The following KAZN variants were observed in gnomAD, a reference collection of about 807,000 sequenced individuals.
KAZN encodes the protein kazrin.
KAZN carries 40 observed loss-of-function variants against 87.4 expected under a neutral mutation model. The observed-to-expected ratio is 0.46, with a 90% CI of 0.36 to 0.60. The LOEUF is 0.60. Ranked by LOEUF, KAZN falls within the 20% of genes least tolerant of loss-of-function variation. KAZN has a pLI of 0.00. For missense variants in KAZN, 898 were observed against 1,073.9 expected, an observed-to-expected ratio of 0.84 and a Z score of 2.29; for synonymous variants, 466 against 458.3, an observed-to-expected ratio of 1.02 and a Z score of -0.22.
rs1257373145 is a variant in KAZN at position 15,029,789 on chromosome 1, A to T, written c.419-4960A>T. Among the ~76,000 whole-genome samples, 4 of 152,218 alleles carry T rather than the reference A, an allele frequency of 2.6e-5. No individual in the cohort carries two copies. In the East Asian group the frequency reaches 7.7e-4, roughly 29 times the overall value. ...GGTCATTCATTTCCAACCAGAAAGC[A>T]GAGGCATGATTTCCCTGCCAACCAG... is the stretch of plus-strand genomic sequence containing the variant. On this transcript the variant is annotated intron_variant, in intron 2 of 14. Coordinates refer to ENST00000376030, the MANE Select transcript of KAZN (RefSeq NM_201628.3).
intron 2 of KAZN, among the ~76,000 whole-genome samples, chr1:15,002,954 C>T (rs190405577): frequency 9.2e-5 from 14 of 151,358 alleles, no homozygotes; most frequent in African/African-American, 2.2e-4. Context: ...CCAGCCTGGG[C>T]GACACAGCAA....
intron 2 of KAZN, among the ~76,000 whole-genome samples, chr1:14,481,157 C>G (rs1158983672): frequency 6.6e-6 from 1 of 151,996 alleles, no homozygotes; most frequent in African/African-American, 2.4e-5. Flanking sequence ...GAGCCACCAT[C>G]TAAGTTCAAA....
At chr1:14,071,664 C>T (rs374131742) in intron 1 of KAZN, among the ~76,000 whole-genome samples, 1 of 152,140 alleles carries the variant, frequency 6.6e-6, no homozygotes, top group African/African-American at 2.4e-5. Context: ...ACAGGTGTGT[C>T]GCTAGCGGGC....
upstream of KAZN, among the ~76,000 whole-genome samples, chr1:14,597,022 T>C (rs1422123045): frequency 6.6e-6 from 1 of 152,256 alleles, no homozygotes; most frequent in African/African-American, 2.4e-5. Flanking sequence ...TTTTCCACAA[T>C]GGCTGCACCA....
intron 2 of KAZN, among the ~76,000 whole-genome samples, chr1:14,287,895 T>A (rs957045115): frequency 6.6e-6 from 1 of 152,218 alleles, no homozygotes; most frequent in Admixed American, 6.5e-5. Context: ...TGAAGGGCTG[T>A]TGAATTTTGT....
At chr1:14,036,783 T>C (rs902768487) in intron 1 of KAZN, among the ~76,000 whole-genome samples, 3 of 151,936 alleles carry the variant, frequency 2.0e-5, no homozygotes, top group Non-Finnish European at 4.4e-5. Flanking sequence ...TTATTATTAT[T>C]ATCATTATTA....
At chr1:13,894,271 C>T (rs1638949802) in intron 1 of KAZN, among the ~76,000 whole-genome samples, 1 of 152,174 alleles carries the variant, frequency 6.6e-6, no homozygotes, top group Non-Finnish European at 1.5e-5. Context: ...TGTGGGGATT[C>T]CTCATTAGTC....
At chr1:14,516,841 A>T (rs1671324601) in intron 2 of KAZN, among the ~76,000 whole-genome samples, 1 of 151,718 alleles carries the variant, frequency 6.6e-6, no homozygotes, top group African/African-American at 2.4e-5. Context: ...TATCACCTTC[A>T]ATTTCTGCAC....
chr1:14,092,464 A>G (rs1644020919), intron 1 of KAZN, among the ~76,000 whole-genome samples: 1 of 150,394 alleles, frequency 6.6e-6, no homozygotes, highest in Non-Finnish European at 1.5e-5. Flanking sequence ...AATAAATTAT[A>G]TATATATACA....
At chr1:14,834,062 G>A (rs756356404) in intron 1 of KAZN, among the ~76,000 whole-genome samples, 3 of 151,792 alleles carry the variant, frequency 2.0e-5, no homozygotes, top group South Asian at 4.2e-4. Context: ...TTGAGATGGA[G>A]TCTCACTCTG....
At chr1:14,997,438 C>T (rs937222723) in intron 2 of KAZN, among the ~76,000 whole-genome samples, 5 of 151,922 alleles carry the variant, frequency 3.3e-5, no homozygotes, top group Non-Finnish European at 5.9e-5. Flanking sequence ...CAGGGTTTCT[C>T]CCTGTTGGTC....
chr1:14,070,853 C>A (rs777742716), intron 1 of KAZN, among the ~76,000 whole-genome samples: 7 of 152,116 alleles, frequency 4.6e-5, no homozygotes, highest in Non-Finnish European at 1.0e-4. Context: ...AGCCACAGAC[C>A]ATGCCTTATC....
chr1:15,016,857 GCCACCGGC>G (rs1240318475), intron 2 of KAZN, among the ~76,000 whole-genome samples: 1 of 152,120 alleles, frequency 6.6e-6, no homozygotes, highest in Non-Finnish European at 1.5e-5. Flanking sequence ...CACAGACCAC[GCCACCGGC>G]GGCCCAGGAT....
intron 2 of KAZN, among the ~76,000 whole-genome samples, chr1:14,251,091 T>G (rs957949627): frequency 1.3e-5 from 2 of 152,146 alleles, no homozygotes; most frequent in African/African-American, 2.4e-5. Context: ...GAACTGAAAC[T>G]ATGTAATCTA....
intron 1 of KAZN, among the ~76,000 whole-genome samples, chr1:13,932,258 A>ATAT (rs1312645754): frequency 0.025 from 1,085 of 43,100 alleles, 53 homozygotes; most frequent in African/African-American, 0.075. Context: ...CTTATTAAAC[A>ATAT]TTTTTTTTTT....
At position 15,115,532 on chromosome 1, in the gene KAZN, T is replaced by C. The variant is rs7513431; in HGVS notation, c.*897T>C. 98,587 of 152,082 alleles carry C rather than the reference T, an allele frequency of 0.65. 31,949 individuals are homozygous for C. Among genetic ancestry groups the C allele is most frequent in the East Asian group, 0.73 (3,782 of 5,156 alleles). 9.4% of individuals were successfully genotyped at this position (152,082 alleles called of 1,614,324 possible). Reference sequence around the variant, plus strand: ...AGTGGTATGGAGTGTGGCAATGAGTTTGGGGTCTGGGGCAGGGAAATGCTT... The same window carrying C: ...AGTGGTATGGAGTGTGGCAATGAGTCTGGGGTCTGGGGCAGGGAAATGCTT... On this transcript the variant is annotated 3_prime_UTR_variant, in exon 15 of 15. Transcript: ENST00000376030. This position sits in a 1 kb window ranked among gnomAD's most constrained non-coding sequence, Gnocchi z 4.1.
intron 2 of KAZN, among the ~76,000 whole-genome samples, chr1:14,243,816 G>A (rs369075119): frequency 1.3e-5 from 2 of 152,200 alleles, no homozygotes; most frequent in Non-Finnish European, 2.9e-5. Flanking sequence ...ACTCTGCAGA[G>A]AATGGGGAAA....
intron 1 of KAZN, among the ~76,000 whole-genome samples, chr1:14,810,275 C>T (rs1185732758): frequency 1.3e-5 from 2 of 152,066 alleles, no homozygotes; most frequent in Non-Finnish European, 2.9e-5. Context: ...ACCGCACCCC[C>T]ATCACCTCAT....
chr1:14,485,865 C>A (rs1035112312), intron 2 of KAZN, among the ~76,000 whole-genome samples: 2 of 150,088 alleles, frequency 1.3e-5, no homozygotes, highest in Non-Finnish European at 3.0e-5. Context: ...TGCACTCCAG[C>A]CTGGGCGACA....
Sources: allele counts gnomAD v4.1 joint callset (sites outside exome capture counted in the v4.1 genomes callset), GRCh38; gene constraint gnomAD v4.1.1; non-coding constraint Gnocchi (gnomAD v3.1); transcripts MANE v1.5; gene names NCBI Gene and HGNC (gene_info 2026-07-23, HGNC 2026-07-21).